FRYL: variants seen among roughly 807,000 people sequenced by gnomAD.
FRYL encodes the protein FRY like transcription coactivator, also known as protein furry homolog-like.
A neutral mutation model predicts 351.2 loss-of-function variants in FRYL; 150 were observed. The observed-to-expected ratio is 0.43, with a 90% CI of 0.37 to 0.49. The LOEUF is 0.49. Among genes scored for constraint, FRYL ranks in the 20% least tolerant of loss-of-function variants. The pLI is 0.00. For missense variants in FRYL, 3,036 were observed against 3,619.3 expected (o/e 0.84, Z 4.13); for synonymous variants, 1,153 against 1,257.1 (o/e 0.92, Z 1.75).
chr4:48,552,752 T>C (rs897956421), intron 36 of FRYL, among the ~76,000 whole-genome samples: 11 of 152,116 alleles, frequency 7.2e-5, no homozygotes, highest in Non-Finnish European at 1.6e-4. Flanking sequence ...AAATGGATGG[T>C]AAAAAATAAA....
intron 53 of FRYL, 60 bp downstream of exon 53, chr4:48,527,417 A>T: frequency 7.2e-7 from 1 of 1,391,888 alleles, no homozygotes; most frequent in South Asian, 1.4e-5. Context: ...CCTGTGATCA[A>T]ATCCTTAATT....
At chr4:48,682,907 C>A (rs768780606) in intron 3 of FRYL, among the ~76,000 whole-genome samples, 13 of 152,272 alleles carry the variant, frequency 8.5e-5, no homozygotes, top group Middle Eastern at 3.4e-3. Flanking sequence ...ACCCAGCAAT[C>A]CCATTACTGG....
At chr4:48,586,194 G>C (rs2149184589) in intron 19 of FRYL, among the ~76,000 whole-genome samples, 1 of 152,208 alleles carries the variant, frequency 6.6e-6, no homozygotes, top group Admixed American at 6.5e-5. Flanking sequence ...CCACAGTTCT[G>C]CCATAGGGGG....
rs755759308 is a variant in FRYL at position 48,603,310 on chromosome 4, A to G, written c.913T>C (p.Ser305Pro). ...MLYQTTFELS[S>P]RKKHSLALYP... The stretch of plus-strand genomic sequence containing the variant: ...AATACCAATGAATGCTTCTTTCTCG[A>G]GCTCAGTTCAAAAGTAGTCTGATAA... The change falls in exon 12 of 64, where the codon TCG becomes CCG. Residue 305 changes from serine (S) to proline (P), a missense_variant. This residue lies in a region of FRYL where 457 missense variants were observed against 566.6 expected (regional missense o/e 0.81). Coordinates refer to ENST00000358350, the MANE Select transcript of FRYL (RefSeq NM_015030.2). 6.2e-7 allele frequency: 1 copy of G among 1,609,342 alleles called. No homozygotes were observed. Among genetic ancestry groups the G allele is most frequent in the South Asian group, 1.1e-5 (1 of 90,446 alleles).
At chr4:48,642,757 G>A (rs1712762) in intron 3 of FRYL, among the ~76,000 whole-genome samples, 145,754 of 152,166 alleles carry the variant, frequency 0.96, 69,826 homozygotes, top group South Asian at 0.98. Flanking sequence ...TGAGGTTATT[G>A]TTTTCTTGTG....
chr4:48,766,768 G>C (rs1774989834), intron 1 of FRYL, among the ~76,000 whole-genome samples: 1 of 151,824 alleles, frequency 6.6e-6, no homozygotes, highest in African/African-American at 2.4e-5. Context: ...TTTTTGTAAA[G>C]GCATTCATCA....
chr4:48,635,331 C>T (rs1294787939), intron 3 of FRYL, among the ~76,000 whole-genome samples: 1 of 152,116 alleles, frequency 6.6e-6, no homozygotes, highest in Non-Finnish European at 1.5e-5. Context: ...CCCAGGGAAG[C>T]CATTACAGAA....
chr4:48,576,698 A>T (rs1739689127), intron 23 of FRYL, among the ~76,000 whole-genome samples: 2 of 152,210 alleles, frequency 1.3e-5, no homozygotes, highest in Non-Finnish European at 2.9e-5. Flanking sequence ...TGGATTAAAA[A>T]TTAAAATATG....
chr4:48,754,297 T>G (rs966444167), intron 1 of FRYL, among the ~76,000 whole-genome samples: 3 of 152,232 alleles, frequency 2.0e-5, no homozygotes, highest in African/African-American at 7.2e-5. Context: ...TAAAGGTTCA[T>G]GCACTTTATA....
rs1263004018 is a variant in FRYL, at chr4:48,641,519, A to C, written c.-80-7029T>G. Among the ~76,000 whole-genome samples the C allele has an allele frequency of 2.0e-5, 3 of 152,152 alleles. No homozygotes were observed. The East Asian group carries it at 5.8e-4, about 29-fold the overall frequency. On this transcript the variant is annotated intron_variant, in intron 3 of 63. Transcript: ENST00000358350. ...AGCCTTTGCCAATATCCTTGGTATA[A>C]ATATTCACACCCCAGAGGCTCTTAA... is the stretch of plus-strand genomic sequence containing the variant.
intron 56 of FRYL, among the ~76,000 whole-genome samples, chr4:48,513,960 G>A (rs548963264): frequency 1.7e-3 from 258 of 152,246 alleles, no homozygotes; most frequent in African/African-American, 5.8e-3. Context: ...ATGATTGAGT[G>A]GTTGCATGGG....
chr4:48,590,834 C>A lies in FRYL; in HGVS notation c.1336-4G>T. ...CTCTGAGACCTATGTTCATTCTCTTCAAAGGAAAAAAATGCAAAAGGAAGA... is the reference window on the plus strand; with the variant it reads ...CTCTGAGACCTATGTTCATTCTCTTAAAAGGAAAAAAATGCAAAAGGAAGA... On this transcript the variant is annotated splice_region_variant and splice_polypyrimidine_tract_variant and intron_variant, in intron 16 of 63. Transcript: ENST00000358350. The A allele has an allele frequency of 6.3e-7, 1 of 1,587,238 alleles. No homozygotes were observed. Among genetic ancestry groups the A allele is most frequent in the Admixed American group, 1.9e-5 (1 of 53,142 alleles).
At chr4:48,688,517 C>G (rs987555693) in intron 2 of FRYL, among the ~76,000 whole-genome samples, 6 of 152,008 alleles carry the variant, frequency 3.9e-5, no homozygotes, top group African/African-American at 1.5e-4. Context: ...CCTTTAATTA[C>G]CAAAGAAAAT....
At chr4:48,739,660 G>C (rs1029088970) in intron 1 of FRYL, among the ~76,000 whole-genome samples, 14 of 152,210 alleles carry the variant, frequency 9.2e-5, no homozygotes, top group Non-Finnish European at 2.1e-4. Flanking sequence ...CCTTGAATTT[G>C]GCAATGACTT....
chr4:48,522,852 A>G (rs773264972), intron 54 of FRYL, 49 bp downstream of exon 54: 3 of 1,365,930 alleles, frequency 2.2e-6, no homozygotes, highest in South Asian at 2.3e-5. Flanking sequence ...GTTGGAAGTT[A>G]AGAGGAAAAT....
At chr4:48,642,333 C>T (rs1755501289) in intron 3 of FRYL, among the ~76,000 whole-genome samples, 1 of 152,086 alleles carries the variant, frequency 6.6e-6, no homozygotes, top group Non-Finnish European at 1.5e-5. Flanking sequence ...ATCTGACACA[C>T]CTCCATTAAC....
intron 22 of FRYL, among the ~76,000 whole-genome samples, chr4:48,580,015 TA>T (rs1740521886): frequency 6.6e-6 from 1 of 151,258 alleles, no homozygotes; most frequent in Non-Finnish European, 1.5e-5. Flanking sequence ...TAAAAATAAA[TA>T]AAAATTAAAA....
intron 11 of FRYL, among the ~76,000 whole-genome samples, chr4:48,604,851 C>T (rs894163595): frequency 6.6e-6 from 1 of 152,172 alleles, no homozygotes; most frequent in African/African-American, 2.4e-5. Context: ...AAGTGCCTCT[C>T]TTCCTACAAC....
chr4:48,649,405 TA>T (rs1757199314), intron 3 of FRYL, among the ~76,000 whole-genome samples: 1 of 152,210 alleles, frequency 6.6e-6, no homozygotes, highest in Admixed American at 6.5e-5. Flanking sequence ...ATGTCTGTGA[TA>T]AAAACTAAAT....
Sources: gnomAD v4.1 joint callset for allele counts (sites outside exome capture counted in the v4.1 genomes callset) on GRCh38, gnomAD v4.1.1 for gene constraint, gnomAD v4.1.1 regional missense constraint, MANE v1.5 for transcripts, NCBI Gene and HGNC (gene_info 2026-07-23, HGNC 2026-07-21) for gene names.